SLC26A11: variants seen among roughly 807,000 people sequenced by gnomAD.
The protein encoded by SLC26A11 is sodium-independent sulfate anion transporter.
In SLC26A11, 58 loss-of-function variants were observed where a neutral mutation model predicts 62.2. The ratio of observed to expected loss-of-function variants is 0.93; its 90% CI spans 0.76 to 1.16. SLC26A11 has a LOEUF of 1.16. Ranked by LOEUF, SLC26A11 falls within the 50% of genes most tolerant of loss-of-function variation. The pLI is 0.00. For missense variants in SLC26A11, 790 were observed against 794.3 expected, an observed-to-expected ratio of 0.99 and a Z score of 0.06; for synonymous variants, 411 against 368.9, an observed-to-expected ratio of 1.11 and a Z score of -1.31.
chr17:80,244,128 C>T (rs1470527357), intron 10 of SLC26A11, among the ~76,000 whole-genome samples: 3 of 152,224 alleles, frequency 2.0e-5, no homozygotes, highest in Non-Finnish European at 4.4e-5. Context: ...AGGCCCTGCA[C>T]CTGTGAGACC....
chr17:80,234,009 A>T (rs903926796), intron 7 of SLC26A11, among the ~76,000 whole-genome samples: 10 of 148,792 alleles, frequency 6.7e-5, no homozygotes, highest in Non-Finnish European at 1.3e-4. Flanking sequence ...GTTATTTATT[A>T]TTTTTTTTAT....
At position 80,222,859 on chromosome 17, in the gene SLC26A11, C is replaced by T. The variant is rs760825025; in HGVS notation, c.427+12C>T. ...GGTCCTGCGTTTGGGTGAGGCTCTA[C>T]CTTCTTGCCAAGGGGATGCCCTCGA... is the stretch of plus-strand genomic sequence containing the variant. On this transcript the variant is annotated intron_variant, in intron 4 of 17. Transcript: ENST00000361193. The surrounding 1 kb of genome is among the most constrained non-coding windows in gnomAD (Gnocchi z 4.7). The T allele has an allele frequency of 6.2e-6, 10 of 1,612,644 alleles. No homozygotes were observed. Among genetic ancestry groups the T allele is most frequent in the Middle Eastern group, 3.3e-4 (2 of 6,054 alleles).
At chr17:80,241,612 T>A (rs1024823260) in intron 9 of SLC26A11, among the ~76,000 whole-genome samples, 159 bp from the exon 10 acceptor site, 15 of 152,232 alleles carry the variant, frequency 9.9e-5, no homozygotes, top group African/African-American at 3.6e-4. Context: ...CAAGCACATG[T>A]TTACACGCAC....
In SLC26A11 at chr17:80,248,634, G is replaced by A. The variant is rs373579294; in HGVS notation, c.1482G>A (p.Met494Ile). 17 of 1,586,638 alleles carry A rather than the reference G, an allele frequency of 1.1e-5. No individual in the cohort carries two copies. Among genetic ancestry groups the A allele is most frequent in the Non-Finnish European group, 1.5e-5 (17 of 1,166,642 alleles). ...QPASGLSFPA[M>I]EALREEILSR... is the part of the protein sequence containing the mutation. Reference sequence around the variant, plus strand: ...CCAGCGGCCTGTCCTTCCCTGCCATGGAGGCTCTGCGGGAGGAGATCCTAA... The same window carrying A: ...CCAGCGGCCTGTCCTTCCCTGCCATAGAGGCTCTGCGGGAGGAGATCCTAA... Residue 494 changes from methionine to isoleucine, a missense_variant, in exon 15 of 18, where the codon ATG becomes ATA. Met to Ile is a conservative substitution (Grantham distance 10). Coordinates refer to ENST00000361193, the MANE Select transcript of SLC26A11 (RefSeq NM_001166347.2).
intron 9 of SLC26A11, among the ~76,000 whole-genome samples, chr17:80,238,307 A>G (rs1273125947): frequency 1.3e-5 from 2 of 152,202 alleles, no homozygotes; most frequent in African/African-American, 2.4e-5. Context: ...GAGCTGTGAT[A>G]GTGCCACTGC....
chr17:80,230,717 C>T (rs1197562772), intron 7 of SLC26A11, among the ~76,000 whole-genome samples: 1 of 152,160 alleles, frequency 6.6e-6, no homozygotes, highest in African/African-American at 2.4e-5. Flanking sequence ...GATGTCTAGA[C>T]ATCGTAATGT....
chr17:80,224,626 G>A (rs1283152216), intron 5 of SLC26A11, among the ~76,000 whole-genome samples: 1 of 151,972 alleles, frequency 6.6e-6, no homozygotes, highest in African/African-American at 2.4e-5. Flanking sequence ...GTGGGTGAGC[G>A]TGATTTGTAC....
intron 8 of SLC26A11, 165 bp from the exon 9 acceptor site, chr17:80,237,357 C>A: frequency 1.3e-6 from 1 of 755,730 alleles, no homozygotes; most frequent in Non-Finnish European, 2.1e-6. Flanking sequence ...TTACCGTGTT[C>A]CTCCCAGCAC....
At chr17:80,250,602 C>G (rs1164228236) in intron 16 of SLC26A11, among the ~76,000 whole-genome samples, 1 of 152,232 alleles carries the variant, frequency 6.6e-6, no homozygotes, top group African/African-American at 2.4e-5. Context: ...CTTTGAGAGG[C>G]CGAGGCGGGA....
rs1435741625 is a variant in SLC26A11 at position 80,223,864 on chromosome 17, A to C, written c.513+527A>C. Among the ~76,000 whole-genome samples, 5 of 152,086 alleles carry C rather than the reference A, an allele frequency of 3.3e-5. No individual in the cohort carries two copies. The highest frequency in any genetic ancestry group is 1.2e-4 in the African/African-American group (5 of 41,380). On this transcript the variant is annotated intron_variant, in intron 5 of 17. Transcript: ENST00000361193. This position sits in a 1 kb window ranked among gnomAD's most constrained non-coding sequence, Gnocchi z 4.6. Reference sequence around the variant, plus strand: ...AAGTACTAAAATCAGTCATCAGCTGAGGGTGTAATTTATTCTGTTTTTGCT... The same window carrying C: ...AAGTACTAAAATCAGTCATCAGCTGCGGGTGTAATTTATTCTGTTTTTGCT...
chr17:80,231,890 T>C (rs1481341510), intron 7 of SLC26A11, among the ~76,000 whole-genome samples: 1 of 152,254 alleles, frequency 6.6e-6, no homozygotes, highest in East Asian at 1.9e-4. Flanking sequence ...CTGTGTGTGC[T>C]TGAGAACATG....
At position 80,252,749 on chromosome 17, in the gene SLC26A11, G is replaced by C. The variant is rs575253802; in HGVS notation, c.*33G>C. 3.1e-6 allele frequency: 5 copies of C among 1,591,224 alleles called. No homozygotes were observed. The highest frequency in any genetic ancestry group is 2.7e-5 in the African/African-American group (2 of 74,398). On this transcript the variant is annotated 3_prime_UTR_variant, in exon 18 of 18. Transcript: ENST00000361193. This position sits in a 1 kb window ranked among gnomAD's most constrained non-coding sequence, Gnocchi z 5.2. Reference sequence around the variant, plus strand: ...ACCCGTGGGCATCCACAGTTTGCAGGGTGTTCCGGAAGGTTCTTGTCACTG... The same window carrying C: ...ACCCGTGGGCATCCACAGTTTGCAGCGTGTTCCGGAAGGTTCTTGTCACTG...
In SLC26A11 at chr17:80,241,821, G is replaced by C; in HGVS notation, c.1036G>C (p.Gly346Arg). ...TGCCAACCAGGAGCTGCTGGCCATC[G>C]GTAAGACCCCAGCCGCGGGAAGGAA... ...IDANQELLAIGLTNMLGSLVS... is the reference protein window; with the variant it reads ...IDANQELLAIRLTNMLGSLVS... Residue 346 changes from glycine (G) to arginine (R), a missense_variant and splice_region_variant, in exon 10 of 18, where the codon GGT becomes CGT. By Grantham distance (125) the Gly-to-Arg change is moderately radical. Transcript: ENST00000361193. 1 of 1,614,122 alleles carries C rather than the reference G, an allele frequency of 6.2e-7. No individual in the cohort carries two copies. The highest frequency in any genetic ancestry group is 1.7e-5 in the Admixed American group (1 of 60,014).
chr17:80,252,522 C>G lies in SLC26A11; in HGVS notation c.1730-103C>G. ...GTGGCCCACAGCTCCTTCCTGCACA[C>G]CTTCCAGGACTCTGGAAGGCCCTCC... is the stretch of plus-strand genomic sequence containing the variant. On this transcript the variant is annotated intron_variant, in intron 17 of 17. Coordinates refer to ENST00000361193, the MANE Select transcript of SLC26A11 (RefSeq NM_001166347.2). This position sits in a 1 kb window ranked among gnomAD's most constrained non-coding sequence, Gnocchi z 5.2. The G allele has an allele frequency of 9.4e-7, 1 of 1,062,164 alleles. No homozygotes were observed. The highest frequency in any genetic ancestry group is 1.4e-6 in the Non-Finnish European group (1 of 728,930). The allele number at this position is 1,062,164 out of a possible 1,614,324, so 65.8% of individuals were successfully genotyped here. A position where few individuals can be genotyped will look rare whatever the true frequency, so the allele number is the denominator to read the frequency against.
intron 7 of SLC26A11, among the ~76,000 whole-genome samples, chr17:80,230,219 G>A (rs1049403738): frequency 6.7e-6 from 1 of 149,558 alleles, no homozygotes; most frequent in Non-Finnish European, 1.5e-5. Flanking sequence ...AAAAGTCAAA[G>A]TTTGGGAAAT....
chr17:80,249,657 G>C (rs2043106828), intron 16 of SLC26A11, among the ~76,000 whole-genome samples: 2 of 152,186 alleles, frequency 1.3e-5, no homozygotes, highest in Admixed American at 1.3e-4. Flanking sequence ...TGGAATCCCA[G>C]CACTTTGGGA....
chr17:80,240,841 A>G (rs1280193937), intron 9 of SLC26A11, among the ~76,000 whole-genome samples: 1 of 151,666 alleles, frequency 6.6e-6, no homozygotes, highest in Non-Finnish European at 1.5e-5. Flanking sequence ...TTTTCTTATT[A>G]TAAAAAGCAT....
intron 11 of SLC26A11, among the ~76,000 whole-genome samples, chr17:80,245,846 C>T (rs2144967116): frequency 6.6e-6 from 1 of 152,340 alleles, no homozygotes; most frequent in East Asian, 1.9e-4. Context: ...ACTGCCCAGT[C>T]CCCCAGCTGG....
chr17:80,225,748 C>A, intron 5 of SLC26A11, 89 bp from the exon 6 acceptor site: 2 of 1,175,972 alleles, frequency 1.7e-6, no homozygotes, highest in Non-Finnish European at 2.5e-6. Context: ...GACACTGTCT[C>A]AGCCCTAGGG....
Sources: allele counts gnomAD v4.1 joint callset (sites outside exome capture counted in the v4.1 genomes callset), GRCh38; gene constraint gnomAD v4.1.1; non-coding constraint Gnocchi (gnomAD v3.1); transcripts MANE v1.5; gene names NCBI Gene and HGNC (gene_info 2026-07-23, HGNC 2026-07-21).